Variants in NEMF observed in about 807,000 individuals in gnomAD.
The protein encoded by NEMF is ribosome quality control complex subunit NEMF.
A neutral mutation model predicts 162.2 loss-of-function variants in NEMF; 89 were observed. That is an observed-to-expected ratio of 0.55 (90% CI 0.46 to 0.65). The LOEUF is 0.65. NEMF is among the 30% of genes least tolerant of loss of function. The probability of loss-of-function intolerance (pLI) is 0.00; values close to 1 mark genes in which losing one functional copy is unlikely to be tolerated. For missense variants in NEMF, 1,133 were observed against 1,261.9 expected (o/e 0.90, Z 1.55); for synonymous variants, 421 against 404.5 (o/e 1.04, Z -0.49).
intron 16 of NEMF, among the ~76,000 whole-genome samples, chr14:49,815,703 G>A (rs1017997655): frequency 2.6e-5 from 4 of 152,014 alleles, no homozygotes; most frequent in Non-Finnish European, 5.9e-5. Context: ...GGTGCCTCAC[G>A]CCTGTAATCC....
At chr14:49,842,968 T>G (rs1403272808) in intron 4 of NEMF, among the ~76,000 whole-genome samples, 2 of 151,732 alleles carry the variant, frequency 1.3e-5, no homozygotes, top group Admixed American at 6.6e-5. Context: ...ATCACACCAC[T>G]GCACTCCAGC....
At chr14:49,790,891 T>A (rs1890408844) in intron 26 of NEMF, among the ~76,000 whole-genome samples, 1 of 151,128 alleles carries the variant, frequency 6.6e-6, no homozygotes, top group Non-Finnish European at 1.5e-5. Flanking sequence ...TACTTGGGAG[T>A]CTGAGGTAGG....
chr14:49,829,398 T>C lies in NEMF; in HGVS notation c.974A>G (p.Asn325Ser). Residue 325 changes from asparagine (N) to serine (S), a missense_variant, in exon 12 of 33, where the codon AAT becomes AGT. Asn to Ser is a conservative substitution (Grantham distance 46). Coordinates refer to ENST00000298310, the MANE Select transcript of NEMF (RefSeq NM_004713.6). ...QEKQALKKLD[N>S]VRKDHENRLE... Reference sequence around the variant, plus strand: ...TCTGTTTTCGTGATCCTTTCGAACATTATCTAATTTCTTCAATGCTTGCTT... The same window carrying C: ...TCTGTTTTCGTGATCCTTTCGAACACTATCTAATTTCTTCAATGCTTGCTT... 6.2e-7 allele frequency: 1 copy of C among 1,614,052 alleles called. No homozygotes were observed. The highest frequency in any genetic ancestry group is 1.1e-5 in the South Asian group (1 of 91,078).
intron 15 of NEMF, among the ~76,000 whole-genome samples, chr14:49,826,595 T>C (rs1185715224): frequency 7.5e-6 from 1 of 133,302 alleles, no homozygotes; most frequent in East Asian, 2.2e-4. Context: ...ATCAAGGGCA[T>C]AATGTCAAGA....
At position 49,802,529 on chromosome 14, in the gene NEMF, G is replaced by A. The variant is rs145919425; in HGVS notation, c.2019C>T (p.Val673=). Residue 673 remains valine, a synonymous_variant, in exon 22 of 33, where the codon GTC becomes GTT. Transcript: ENST00000298310. ...TCTCCATGTCTTCATCCTGTACTCT[G>A]ACTTTTCGTTCACCCTGATGTCTCC... ...CVWRHQGERK[V]RVQDEDMETL... 30 of 1,613,750 alleles carry A rather than the reference G, an allele frequency of 1.9e-5. No homozygotes were observed. Among genetic ancestry groups the A allele is most frequent in the Non-Finnish European group, 1.8e-5 (21 of 1,179,930 alleles).
At chr14:49,845,101 G>C (rs1339637068) in intron 4 of NEMF, among the ~76,000 whole-genome samples, 12 of 105,574 alleles carry the variant, frequency 1.1e-4, no homozygotes, top group African/African-American at 4.2e-4. Context: ...TAGTTAGTTA[G>C]TTTATTTTTG....
At position 49,782,621 on chromosome 14, in the gene NEMF, G is replaced by T; in HGVS notation, c.*2015C>A. The stretch of plus-strand genomic sequence containing the variant: ...TAAGTAACTTTGTACTTGGCACTTA[G>T]ATTATTTAAAATTGTGTTTCCTAAG... On this transcript the variant is annotated 3_prime_UTR_variant, in exon 33 of 33. Coordinates refer to ENST00000298310, the MANE Select transcript of NEMF (RefSeq NM_004713.6). The T allele has an allele frequency of 6.4e-7, 1 of 1,560,534 alleles. No individual in the cohort carries two copies.
At chr14:49,849,920 G>A (rs1893688521) in intron 3 of NEMF, among the ~76,000 whole-genome samples, 1 of 152,088 alleles carries the variant, frequency 6.6e-6, no homozygotes. Context: ...CTTGTGATAT[G>A]GAAACACTTA....
rs1486398303 is a variant in NEMF, at chr14:49,800,566, G to A, written c.2226C>T (p.Leu742=). 2.5e-6 allele frequency: 4 copies of A among 1,613,746 alleles called. No individual in the cohort carries two copies. Among genetic ancestry groups the A allele is most frequent in the Non-Finnish European group, 3.4e-6 (4 of 1,179,982 alleles). Residue 742 remains leucine (L), a synonymous_variant, in exon 23 of 33, where the codon CTC becomes CTT. Coordinates refer to ENST00000298310, the MANE Select transcript of NEMF (RefSeq NM_004713.6). ...CGTCTTCAGAGCTTTCTTCCTGAAT[G>A]AGCTCCTCATTTAGTTCATCTCTGC... ...QSGRDELNEE[L]IQEESSEDEG...
intron 6 of NEMF, among the ~76,000 whole-genome samples, chr14:49,836,002 C>T (rs776913797): frequency 5.3e-5 from 8 of 152,114 alleles, no homozygotes; most frequent in East Asian, 1.9e-4. Context: ...GTAGTTAAAA[C>T]GGCAATTCTC....
chr14:49,839,922 G>A (rs897157260), intron 5 of NEMF: 4 of 152,184 alleles, frequency 2.6e-5, no homozygotes, highest in African/African-American at 9.7e-5. Context: ...CACTTTAGAA[G>A]GCTGAAGTGG....
chr14:49,784,415 T>G lies in NEMF; in HGVS notation c.*221A>C, dbSNP rs1162839304. On this transcript the variant is annotated 3_prime_UTR_variant, in exon 33 of 33. Transcript: ENST00000298310. ...AACTACAGATGTATATTAATTAGCA[T>G]TTAACTGTCCACAAATACTTTTGGA... The G allele has an allele frequency of 6.7e-6, 3 of 448,010 alleles. No homozygotes were observed. Among genetic ancestry groups the G allele is most frequent in the African/African-American group, 6.1e-5 (3 of 49,432 alleles). 27.8% of individuals were successfully genotyped at this position (448,010 alleles called of 1,614,324 possible).
intron 4 of NEMF, chr14:49,844,721 GCA>G (rs1276297159): frequency 3.0e-4 from 25 of 84,016 alleles, no homozygotes; most frequent in South Asian, 8.5e-4. Flanking sequence ...ACATACACAC[GCA>G]CGCGCACGCG....
chr14:49,843,427 G>A (rs879763363), intron 4 of NEMF, among the ~76,000 whole-genome samples: 10 of 152,158 alleles, frequency 6.6e-5, no homozygotes, highest in African/African-American at 2.2e-4. Flanking sequence ...CCAGGAGGCC[G>A]AGTTTGCAGT....
Position 49,783,166 on chromosome 14 carries a change from A to G in NEMF, c.*1470T>C. 1 of 371,292 alleles carries G rather than the reference A, an allele frequency of 2.7e-6. No homozygotes were observed. 23.0% of individuals were successfully genotyped at this position (371,292 alleles called of 1,614,324 possible). On this transcript the variant is annotated 3_prime_UTR_variant, in exon 33 of 33. Coordinates refer to ENST00000298310, the MANE Select transcript of NEMF (RefSeq NM_004713.6). ...AGCTGTCCTCTATTAAAGTAAAGTA[A>G]TGGTTGGGCTTTTTACCCTGAAGAA...
chr14:49,845,940 A>T, intron 4 of NEMF, 200 bp downstream of exon 4: 2 of 561,886 alleles, frequency 3.6e-6, no homozygotes, highest in Non-Finnish European at 6.3e-6. Flanking sequence ...AAATGGCTAA[A>T]GTCTGCCTAA....
chr14:49,806,487 C>G (rs1376732307), intron 18 of NEMF, among the ~76,000 whole-genome samples: 2 of 150,412 alleles, frequency 1.3e-5, no homozygotes, highest in Admixed American at 1.3e-4. Flanking sequence ...GTCTTGAACT[C>G]CTGACCTCAT....
At chr14:49,799,799 G>T in intron 23 of NEMF, 121 bp from the exon 24 acceptor site, 1 of 794,806 alleles carries the variant, frequency 1.3e-6, no homozygotes, top group Non-Finnish European at 2.0e-6. Context: ...TTCAAATTTG[G>T]TGAAGTGAGA....
rs116570449 is a variant in NEMF at position 49,806,126 on chromosome 14, G to A, written c.1752C>T (p.Pro584=). 406 of 1,609,166 alleles carry A rather than the reference G, an allele frequency of 2.5e-4. 4 individuals are homozygous for A. In the African/African-American group the frequency reaches 5.0e-3, roughly 20 times the overall value. Residue 584 remains proline (P), a synonymous_variant, in exon 19 of 33, where the codon CCC becomes CCT. Coordinates refer to ENST00000298310, the MANE Select transcript of NEMF (RefSeq NM_004713.6). ...CTTCAGTCAAGGTCCGTGGGGGGAT[G>A]GGTTCTCCTAGAATAACAATGCATA... The part of the protein sequence containing the change: ...SCVIKNPTGE[P]IPPRTLTEAG...
Sources: gnomAD v4.1 joint callset for allele counts (sites outside exome capture counted in the v4.1 genomes callset) on GRCh38, gnomAD v4.1.1 for gene constraint, MANE v1.5 for transcripts, NCBI Gene and HGNC (gene_info 2026-07-23, HGNC 2026-07-21) for gene names.